Variants in GPHN observed in about 807,000 individuals in gnomAD.
GPHN encodes gephyrin.
In GPHN, 17 loss-of-function variants were observed where a neutral mutation model predicts 95.5. The observed-to-expected ratio is 0.18, with a 90% CI of 0.12 to 0.27. GPHN has a LOEUF of 0.27. Ranked by LOEUF, GPHN falls within the 10% of genes least tolerant of loss-of-function variation. The pLI is 1.00. For missense variants in GPHN, 660 were observed against 978.1 expected, an observed-to-expected ratio of 0.67 and a Z score of 4.34; for synonymous variants, 320 against 322.5, an observed-to-expected ratio of 0.99 and a Z score of 0.08.
At chr14:67,278,302 C>G in the GPHN span, among the ~76,000 whole-genome samples, 1 of 151,058 alleles carries the variant, frequency 6.6e-6, no homozygotes, top group South Asian at 2.1e-4. Context: ...TCCCAAAGTG[C>G]TGGGATTACA....
At chr14:67,067,958 C>T (rs997707639) in intron 11 of GPHN, among the ~76,000 whole-genome samples, 2 of 152,228 alleles carry the variant, frequency 1.3e-5, no homozygotes, top group Non-Finnish European at 2.9e-5. Context: ...CCATGGGCTG[C>T]ACCCACTGTC....
At chr14:67,516,904 G>A in the GPHN span, among the ~76,000 whole-genome samples, 4 of 152,214 alleles carry the variant, frequency 2.6e-5, no homozygotes, top group Non-Finnish European at 4.4e-5. Flanking sequence ...AGGAACTCTA[G>A]ACTTCCCCCT....
chr14:67,531,289 A>G, the GPHN span, among the ~76,000 whole-genome samples: 1 of 152,126 alleles, frequency 6.6e-6, no homozygotes, highest in Non-Finnish European at 1.5e-5. Context: ...TTAAAAGAAA[A>G]CAACAACAAC....
At chr14:67,269,917 G>A in the GPHN span, 1 of 152,246 alleles carries the variant, frequency 6.6e-6, no homozygotes, top group Admixed American at 6.6e-5. Context: ...CCAGCTGCTG[G>A]TCAAAGGGCA....
downstream of GPHN, among the ~76,000 whole-genome samples, chr14:67,185,551 A>G (rs114124565): frequency 6.6e-6 from 1 of 152,240 alleles, no homozygotes; most frequent in Non-Finnish European, 1.5e-5. Context: ...ATAAAAGGCT[A>G]TAGAAGATGT....
At chr14:67,138,940 G>T (rs2080277245) in intron 17 of GPHN, among the ~76,000 whole-genome samples, 1 of 139,652 alleles carries the variant, frequency 7.2e-6, no homozygotes, top group African/African-American at 2.7e-5. Flanking sequence ...ACTAGGTCTA[G>T]GGCCAGGCAC....
the GPHN span, chr14:67,656,579 T>C: frequency 6.2e-7 from 1 of 1,602,230 alleles, no homozygotes; most frequent in Non-Finnish European, 8.5e-7. Flanking sequence ...CCTTTGAGAC[T>C]GTAGCCGATT....
At chr14:66,516,322 A>G (rs2058245819) in intron 1 of GPHN, among the ~76,000 whole-genome samples, 1 of 151,936 alleles carries the variant, frequency 6.6e-6, no homozygotes. Flanking sequence ...CTGGCCAGCA[A>G]TTATATTTCT....
chr14:67,096,741 C>T (rs2077415046), intron 12 of GPHN, among the ~76,000 whole-genome samples: 1 of 125,268 alleles, frequency 8.0e-6, no homozygotes, highest in Non-Finnish European at 1.6e-5. Context: ...CATCTTTGTG[C>T]CTCAGCCTCC....
intron 2 of GPHN, among the ~76,000 whole-genome samples, chr14:66,688,205 C>G (rs1216836446): frequency 2.0e-5 from 3 of 152,034 alleles, no homozygotes; most frequent in Non-Finnish European, 2.9e-5. Context: ...CAAAGTAGAT[C>G]AAGATATAAG....
At chr14:67,463,505 G>A in the GPHN span, among the ~76,000 whole-genome samples, 1 of 152,134 alleles carries the variant, frequency 6.6e-6, no homozygotes, top group South Asian at 2.1e-4. Flanking sequence ...TGGGCGTGGC[G>A]GCACGCGCCT....
the GPHN span, among the ~76,000 whole-genome samples, chr14:67,352,246 CTGTT>C: frequency 2.0e-5 from 3 of 152,094 alleles, no homozygotes; most frequent in Middle Eastern, 0.01. Flanking sequence ...GATAGAAAGA[CTGTT>C]TGAGCCCGGG....
At chr14:67,317,269 C>A in the GPHN span, 1 of 669,640 alleles carries the variant, frequency 1.5e-6, no homozygotes, top group Non-Finnish European at 2.5e-6. Context: ...TCAAGACAAG[C>A]GTGGCCAACA....
intron 3 of GPHN, among the ~76,000 whole-genome samples, chr14:66,802,818 T>C (rs2060408105): frequency 6.6e-6 from 1 of 152,142 alleles, no homozygotes; most frequent in African/African-American, 2.4e-5. Flanking sequence ...GCTGAGCTGG[T>C]ATCCCAGCTC....
chr14:67,208,845 C>A, the GPHN span, among the ~76,000 whole-genome samples: 2 of 144,930 alleles, frequency 1.4e-5, no homozygotes, highest in African/African-American at 2.6e-5. Flanking sequence ...TGCAGTGAGC[C>A]AAGATCACGC....
chr14:66,509,414 A>G (rs1050262354), intron 1 of GPHN: 7 of 152,134 alleles, frequency 4.6e-5, no homozygotes, highest in African/African-American at 1.4e-4. Context: ...TGAGGAGCGC[A>G]CTTTTCCCGG....
the GPHN span, among the ~76,000 whole-genome samples, chr14:67,669,223 G>A: frequency 3.3e-5 from 5 of 151,350 alleles, no homozygotes; most frequent in African/African-American, 1.2e-4. Flanking sequence ...AATTCTTGCT[G>A]TTAAATATTA....
chr14:66,642,329 A>T (rs1455335039), intron 1 of GPHN, among the ~76,000 whole-genome samples: 1 of 152,150 alleles, frequency 6.6e-6, no homozygotes, highest in Admixed American at 6.5e-5. Flanking sequence ...GGAGTCATTG[A>T]TTCCAAGCAT....
intron 10 of GPHN, among the ~76,000 whole-genome samples, chr14:67,041,877 C>T (rs2074724619): frequency 1.3e-5 from 2 of 152,156 alleles, no homozygotes; most frequent in South Asian, 4.1e-4. Flanking sequence ...TCTCCAGCAT[C>T]TGTTGTTTCC....
Sources: gnomAD v4.1 joint callset for allele counts (sites outside exome capture counted in the v4.1 genomes callset) on GRCh38, gnomAD v4.1.1 for gene constraint, MANE v1.5 for transcripts, NCBI Gene and HGNC (gene_info 2026-07-23, HGNC 2026-07-21) for gene names.